The following HPSE2 variants were observed in gnomAD, a reference collection of about 807,000 sequenced individuals.
The protein encoded by HPSE2 is inactive heparanase-2.
A neutral mutation model predicts 60.5 loss-of-function variants in HPSE2; 38 were observed. The ratio of observed to expected loss-of-function variants is 0.63; its 90% confidence interval spans 0.48 to 0.82. The LOEUF (loss-of-function observed/expected upper bound fraction) is 0.82. Ranked by LOEUF, HPSE2 falls within the 40% of genes least tolerant of loss-of-function variation. The probability of loss-of-function intolerance (pLI) is 0.00; values close to 1 mark genes in which losing one functional copy is unlikely to be tolerated. For missense variants in HPSE2, 713 were observed against 740.4 expected, an observed-to-expected ratio of 0.96 and a Z score of 0.43; for synonymous variants, 295 against 293.2, an observed-to-expected ratio of 1.01 and a Z score of -0.06.
intron 3 of HPSE2, among the ~76,000 whole-genome samples, chr10:99,021,817 T>C (rs1191551900): frequency 4.2e-5 from 3 of 71,762 alleles, no homozygotes; most frequent in Non-Finnish European, 8.4e-5. Context: ...AATGACTATC[T>C]ACACCAAAAA....
At chr10:99,313,642 C>G in the HPSE2 span, among the ~76,000 whole-genome samples, 1 of 125,042 alleles carries the variant, frequency 8.0e-6, no homozygotes, top group African/African-American at 3.2e-5. Flanking sequence ...ACTCTGTCGC[C>G]AGGCCGGAAT....
At chr10:98,704,777 T>C (rs989137324) in intron 5 of HPSE2, among the ~76,000 whole-genome samples, 6 of 152,308 alleles carry the variant, frequency 3.9e-5, no homozygotes, top group Middle Eastern at 3.4e-3. Flanking sequence ...GATTAAAGAC[T>C]TAAATGTAAA....
At chr10:99,038,365 G>A (rs1373429802) in intron 3 of HPSE2, among the ~76,000 whole-genome samples, 2 of 152,100 alleles carry the variant, frequency 1.3e-5, no homozygotes, top group East Asian at 1.9e-4. Flanking sequence ...CAACCATAAC[G>A]ACTTGGATGA....
Position 98,984,124 on chromosome 10 carries a change from T to C in HPSE2, c.610+160114A>G, listed in dbSNP as rs557475632. Among the ~76,000 whole-genome samples the C allele has an allele frequency of 1.6e-4, 25 of 152,296 alleles. No homozygotes were observed. The South Asian group carries it at 5.0e-3, about 30-fold the overall frequency. ...ATCTGCAGACTTAAATGTCCTTATC[T>C]GACAGCTTTGAAGAGAGTAGTGGTT... On this transcript the variant is annotated intron_variant, in intron 3 of 11. Transcript: ENST00000370552.
the HPSE2 span, among the ~76,000 whole-genome samples, chr10:99,279,852 G>C: frequency 5.3e-5 from 8 of 152,320 alleles, no homozygotes; most frequent in East Asian, 1.5e-3. Flanking sequence ...ACTACACTGA[G>C]TAAATAAAAC....
At chr10:98,677,055 C>T (rs1947663059) in intron 6 of HPSE2, among the ~76,000 whole-genome samples, 1 of 152,066 alleles carries the variant, frequency 6.6e-6, no homozygotes, top group African/African-American at 2.4e-5. Context: ...CCTATGGAGT[C>T]CTTACTTCCT....
At chr10:98,655,328 A>G (rs1437573157) in intron 6 of HPSE2, among the ~76,000 whole-genome samples, 1 of 152,150 alleles carries the variant, frequency 6.6e-6, no homozygotes, top group Admixed American at 6.5e-5. Context: ...ATCCCACAAA[A>G]GTGTGGAGCC....
chr10:98,815,677 T>C (rs1020862469), intron 3 of HPSE2, among the ~76,000 whole-genome samples: 2 of 152,020 alleles, frequency 1.3e-5, no homozygotes, highest in Non-Finnish European at 2.9e-5. Context: ...CCAACTAGGA[T>C]TGAGATAACT....
chr10:98,858,395 T>A (rs1242838318), intron 3 of HPSE2, among the ~76,000 whole-genome samples: 2 of 152,220 alleles, frequency 1.3e-5, no homozygotes, highest in East Asian at 3.9e-4. Context: ...TTTACAGATC[T>A]GTAATATGTT....
chr10:99,036,484 G>T (rs1015747907), intron 3 of HPSE2, among the ~76,000 whole-genome samples: 5 of 152,038 alleles, frequency 3.3e-5, no homozygotes, highest in African/African-American at 1.2e-4. Flanking sequence ...TATTAGTATT[G>T]AATCACTACC....
At chr10:99,301,589 T>C in the HPSE2 span, among the ~76,000 whole-genome samples, 2 of 152,204 alleles carry the variant, frequency 1.3e-5, no homozygotes, top group South Asian at 4.1e-4. Flanking sequence ...GGTATGCCTT[T>C]ATCAGCAGTG....
At chr10:99,247,546 A>G in the HPSE2 span, among the ~76,000 whole-genome samples, 1 of 152,244 alleles carries the variant, frequency 6.6e-6, no homozygotes, top group Non-Finnish European at 1.5e-5. Context: ...ACATATCAAT[A>G]TTAACCTTGA....
intron 3 of HPSE2, among the ~76,000 whole-genome samples, chr10:99,022,213 GA>G (rs1271844134): frequency 6.6e-6 from 1 of 151,944 alleles, no homozygotes; most frequent in Non-Finnish European, 1.5e-5. Flanking sequence ...GAAATTCTGA[GA>G]AATTGAACTC....
chr10:98,962,642 TC>T (rs1456181607), intron 3 of HPSE2, among the ~76,000 whole-genome samples: 2 of 150,284 alleles, frequency 1.3e-5, no homozygotes, highest in Non-Finnish European at 3.0e-5. Context: ...AGTCAAATTG[TC>T]CCTGTTTGCA....
chr10:99,087,788 TTTAAAAACAGGAAG>T (rs1305995274), intron 3 of HPSE2, among the ~76,000 whole-genome samples: 1 of 152,146 alleles, frequency 6.6e-6, no homozygotes, highest in Non-Finnish European at 1.5e-5. Context: ...TGCTGATAAT[TTTAAAAACAGGAAG>T]TTTTATTTCA....
chr10:99,128,679 G>A (rs1474680350), intron 3 of HPSE2, among the ~76,000 whole-genome samples: 2 of 152,160 alleles, frequency 1.3e-5, no homozygotes, highest in South Asian at 2.1e-4. Context: ...GGGGCCTGCT[G>A]GGGGATGTGG....
intron 3 of HPSE2, among the ~76,000 whole-genome samples, chr10:99,141,130 G>A (rs1310931218): frequency 1.3e-5 from 2 of 152,182 alleles, no homozygotes; most frequent in African/African-American, 4.8e-5. Flanking sequence ...TAAGAATCAT[G>A]AGAGCACAAA....
At chr10:98,673,264 C>T (rs1947552456) in intron 6 of HPSE2, among the ~76,000 whole-genome samples, 1 of 152,204 alleles carries the variant, frequency 6.6e-6, no homozygotes, top group Admixed American at 6.5e-5. Flanking sequence ...ACAAATGTAT[C>T]AAGTTGCTGT....
At position 98,940,377 on chromosome 10, in the gene HPSE2, G is replaced by A. The variant is rs1217643666; in HGVS notation, c.611-196321C>T. 1.3e-4 allele frequency among the ~76,000 whole-genome samples: 18 copies of A among 142,442 alleles called. 1 individual carries two copies. Among genetic ancestry groups the A allele is most frequent in the Admixed American group, 2.1e-4 (3 of 14,312 alleles). The allele number at this position is 142,442 out of a possible 152,430, so 93.4% of individuals were successfully genotyped here. A position where few individuals can be genotyped will look rare whatever the true frequency, so the allele number is the denominator to read the frequency against. Reference sequence around the variant, plus strand: ...GAAAAGAGAGAAGAATCAAATAGACGCAATAAAAAATGATAAAGGGGATAT... The same window carrying A: ...GAAAAGAGAGAAGAATCAAATAGACACAATAAAAAATGATAAAGGGGATAT... On this transcript the variant is annotated intron_variant, in intron 3 of 11. Transcript: ENST00000370552.
Sources: gnomAD v4.1 joint callset for allele counts (sites outside exome capture counted in the v4.1 genomes callset) on GRCh38, gnomAD v4.1.1 for gene constraint, MANE v1.5 for transcripts, NCBI Gene and HGNC (gene_info 2026-07-23, HGNC 2026-07-21) for gene names.